CHSY3: variants seen among roughly 807,000 people sequenced by gnomAD.
The protein encoded by CHSY3 is N-acetylgalactosaminyl-proteoglycan 3-beta-glucuronosyltransferase 3.
Under a neutral mutation model 67.2 loss-of-function variants are expected in CHSY3, and 35 were observed. That is an observed-to-expected ratio of 0.52 (90% CI 0.40 to 0.69). The LOEUF (loss-of-function observed/expected upper bound fraction) is 0.69. Ranked by LOEUF, CHSY3 falls within the 30% of genes least tolerant of loss-of-function variation. The pLI is 0.00. For synonymous variants in CHSY3, 474 were observed against 434.7 expected, an observed-to-expected ratio of 1.09 and a Z score of -1.12; for missense variants, 1,069 against 1,138.5, an observed-to-expected ratio of 0.94 and a Z score of 0.88.
intron 2 of CHSY3, among the ~76,000 whole-genome samples, chr5:130,098,074 A>C (rs1017645423): frequency 2.6e-5 from 4 of 152,264 alleles, no homozygotes; most frequent in African/African-American, 9.6e-5. Flanking sequence ...GTTTTTTTCC[A>C]ATGGAAAAAA....
intron 2 of CHSY3, among the ~76,000 whole-genome samples, chr5:129,908,993 G>A (rs1209216035): frequency 1.3e-5 from 2 of 152,070 alleles, no homozygotes; most frequent in Non-Finnish European, 2.9e-5. Flanking sequence ...TGCAGTAGCT[G>A]CTTAGTATTT....
At chr5:129,986,469 TA>T (rs1412182991) in intron 2 of CHSY3, among the ~76,000 whole-genome samples, 1 of 152,150 alleles carries the variant, frequency 6.6e-6, no homozygotes, top group East Asian at 1.9e-4. Flanking sequence ...TCATCCGGGA[TA>T]TTGGCCTAAA....
intron 2 of CHSY3, among the ~76,000 whole-genome samples, chr5:129,960,387 G>T (rs943365866): frequency 6.6e-6 from 1 of 151,982 alleles, no homozygotes; most frequent in Non-Finnish European, 1.5e-5. Flanking sequence ...TTGAGGTTGG[G>T]ATTTTGTCAC....
chr5:130,170,446 T>A (rs568172404), intron 2 of CHSY3, among the ~76,000 whole-genome samples: 18 of 152,164 alleles, frequency 1.2e-4, no homozygotes, highest in Admixed American at 2.0e-4. Flanking sequence ...GTGATTAACA[T>A]ACAGGCACAG....
At chr5:129,920,655 G>A (rs980399415) in intron 2 of CHSY3, among the ~76,000 whole-genome samples, 12 of 152,050 alleles carry the variant, frequency 7.9e-5, no homozygotes, top group Admixed American at 3.3e-4. Context: ...TAAATTTAAC[G>A]CCCTTCTGTT....
At chr5:129,986,021 T>G (rs994183601) in intron 2 of CHSY3, among the ~76,000 whole-genome samples, 1 of 152,140 alleles carries the variant, frequency 6.6e-6, no homozygotes, top group African/African-American at 2.4e-5. Flanking sequence ...ATGCCTTTTA[T>G]TTCTTTCTTT....
intron 2 of CHSY3, among the ~76,000 whole-genome samples, chr5:130,054,406 C>T (rs948093343): frequency 5.3e-5 from 8 of 151,956 alleles, no homozygotes; most frequent in African/African-American, 1.9e-4. Context: ...ATTGGCTTTC[C>T]TTAAATGTCT....
chr5:130,094,714 A>C (rs529209706), intron 2 of CHSY3, among the ~76,000 whole-genome samples: 4 of 152,278 alleles, frequency 2.6e-5, no homozygotes, highest in Admixed American at 1.3e-4. Flanking sequence ...AGGGGGGTAG[A>C]ACACAGACAG....
At chr5:130,020,448 TATATATATATATA>T (rs1458585779) in intron 2 of CHSY3, among the ~76,000 whole-genome samples, 2,471 of 9,328 alleles carry the variant, frequency 0.26, 145 homozygotes, top group South Asian at 0.49. Context: ...TATATATATA[TATATATATATATA>T]TTTTTTTTTT....
chr5:130,078,941 T>C (rs1486642803), intron 2 of CHSY3, among the ~76,000 whole-genome samples: 1 of 152,168 alleles, frequency 6.6e-6, no homozygotes, highest in Non-Finnish European at 1.5e-5. Flanking sequence ...CCCTCTGAGC[T>C]CACTTGCTCA....
At chr5:129,986,667 G>A (rs1763212156) in intron 2 of CHSY3, among the ~76,000 whole-genome samples, 1 of 152,002 alleles carries the variant, frequency 6.6e-6, no homozygotes, top group Non-Finnish European at 1.5e-5. Context: ...TATTGAGACA[G>A]GGTCACACTC....
chr5:129,970,025 G>GAA (rs1762593994), intron 2 of CHSY3, among the ~76,000 whole-genome samples: 1 of 151,688 alleles, frequency 6.6e-6, no homozygotes, highest in Non-Finnish European at 1.5e-5. Context: ...CCTGCTTATA[G>GAA]AAGGCCCCCC....
chr5:130,134,259 G>A (rs1043613078), intron 2 of CHSY3, among the ~76,000 whole-genome samples: 3 of 152,154 alleles, frequency 2.0e-5, no homozygotes, highest in Admixed American at 2.0e-4. Flanking sequence ...TTTGCAAATG[G>A]TTGAACAATG....
At chr5:129,957,597 G>A (rs936877141) in intron 2 of CHSY3, among the ~76,000 whole-genome samples, 1 of 151,982 alleles carries the variant, frequency 6.6e-6, no homozygotes, top group Non-Finnish European at 1.5e-5. Flanking sequence ...TAGAATTTTA[G>A]GTTCAAAATA....
rs576034056 is a variant in CHSY3 at position 130,123,887 on chromosome 5, C to A, written c.1087-60342C>A. On this transcript the variant is annotated intron_variant, in intron 2 of 2. Coordinates refer to ENST00000305031, the MANE Select transcript of CHSY3 (RefSeq NM_175856.5). ...CCTGGCTAACTCGGTGAAACCCCAT[C>A]TCTACTAAAAATACAAAAAAAATTA... 5.9e-5 allele frequency among the ~76,000 whole-genome samples: 9 copies of A among 151,712 alleles called. No homozygotes were observed. In the East Asian group the frequency reaches 1.8e-3, roughly 30 times the overall value.
chr5:129,986,628 C>T (rs1210969955), intron 2 of CHSY3, among the ~76,000 whole-genome samples: 1 of 151,934 alleles, frequency 6.6e-6, no homozygotes, highest in African/African-American at 2.4e-5. Flanking sequence ...GAAAAGGTTT[C>T]TTTCCTTTAT....
chr5:129,989,342 A>G (rs1162259152), intron 2 of CHSY3, among the ~76,000 whole-genome samples: 1 of 149,950 alleles, frequency 6.7e-6, no homozygotes, highest in East Asian at 2.0e-4. Context: ...GCTCAGTGCA[A>G]CCTCTGCCTC....
chr5:130,000,732 CTTTTTTTTTTT>C (rs71000946), intron 2 of CHSY3, among the ~76,000 whole-genome samples: 21 of 76,472 alleles, frequency 2.7e-4, no homozygotes, highest in Non-Finnish European at 1.6e-4. Context: ...AACTTTTCTT[CTTTTTTTTTTT>C]TTTTTTTTTT....
At chr5:130,115,240 C>T (rs1767753921) in intron 2 of CHSY3, among the ~76,000 whole-genome samples, 1 of 151,830 alleles carries the variant, frequency 6.6e-6, no homozygotes, top group African/African-American at 2.4e-5. Context: ...TTTTTTCCCC[C>T]CATTTTTTTC....
Sources: gnomAD v4.1 joint callset for allele counts (sites outside exome capture counted in the v4.1 genomes callset) on GRCh38, gnomAD v4.1.1 for gene constraint, MANE v1.5 for transcripts, NCBI Gene and HGNC (gene_info 2026-07-23, HGNC 2026-07-21) for gene names.